SOX6: variants seen among roughly 807,000 people sequenced by gnomAD.
The protein encoded by SOX6 is SRY-box transcription factor 6.
A neutral mutation model predicts 97.8 loss-of-function variants in SOX6; 11 were observed. The observed-to-expected ratio is 0.11, with a 90% CI of 0.07 to 0.19. SOX6 has a LOEUF of 0.19. Among genes scored for constraint, SOX6 ranks in the 10% least tolerant of loss-of-function variants. SOX6 has a pLI of 1.00. For synonymous variants in SOX6, 360 were observed against 371.4 expected, an observed-to-expected ratio of 0.97 and a Z score of 0.35; for missense variants, 810 against 1,039.5, an observed-to-expected ratio of 0.78 and a Z score of 3.04.
chr11:16,711,028 C>T (rs911278920), intron 3 of SOX6, among the ~76,000 whole-genome samples: 4 of 152,136 alleles, frequency 2.6e-5, no homozygotes, highest in African/African-American at 4.8e-5. Context: ...AATCCATCAG[C>T]AAATCCTGTT....
intron 12 of SOX6, among the ~76,000 whole-genome samples, chr11:16,043,598 T>C (rs1449303506): frequency 2.0e-5 from 3 of 152,178 alleles, no homozygotes; most frequent in Non-Finnish European, 4.4e-5. Context: ...CTATAAGTAC[T>C]GTAAAGACAT....
chr11:16,516,254 G>A (rs12364440), intron 4 of SOX6, among the ~76,000 whole-genome samples: 26,000 of 151,434 alleles, frequency 0.17, 2,740 homozygotes, highest in East Asian at 0.32. Flanking sequence ...TCCTTGAAGA[G>A]GTCCTTCACA....
rs763570958 is a variant in SOX6 at position 16,341,117 on chromosome 11, G to C, written c.132C>G (p.His44Gln). 1 of 1,613,540 alleles carries C rather than the reference G, an allele frequency of 6.2e-7. No homozygotes were observed. The highest frequency in any genetic ancestry group is 8.5e-7 in the Non-Finnish European group (1 of 1,179,562). ...AGTGAGGTTTGTTGTGCATTATGGG[G>C]TGCAGAGGCAGATGGGAGGCCACAT... ...DQHVASHLPL[H>Q]PIMHNKPHSE... Residue 44 changes from histidine (H) to glutamine (Q), a missense_variant, in exon 2 of 16, where the codon CAC becomes CAG. Coordinates refer to ENST00000683767, the MANE Select transcript of SOX6 (RefSeq NM_001367873.1).
intron 3 of SOX6, among the ~76,000 whole-genome samples, chr11:16,612,605 T>C (rs771950823): frequency 5.9e-5 from 9 of 151,802 alleles, no homozygotes; most frequent in Non-Finnish European, 1.3e-4. Flanking sequence ...AGTGGGGGGA[T>C]GGCGATGAAG....
chr11:16,199,365 G>A lies in SOX6; in HGVS notation c.536-12410C>T, dbSNP rs992140677. ...TTCTATGTGCTAGGATTAGCATTTC[G>A]CATTTTTTCTCTACTGCAACAAACT... On this transcript the variant is annotated intron_variant, in intron 4 of 15. Coordinates refer to ENST00000683767, the MANE Select transcript of SOX6 (RefSeq NM_001367873.1). 4.6e-5 allele frequency among the ~76,000 whole-genome samples: 7 copies of A among 152,040 alleles called. No homozygotes were observed. In the South Asian group the frequency reaches 1.2e-3, roughly 27 times the overall value.
intron 3 of SOX6, among the ~76,000 whole-genome samples, chr11:16,648,071 G>A (rs150523236): frequency 1.1e-3 from 173 of 152,274 alleles, no homozygotes; most frequent in African/African-American, 4.1e-3. Flanking sequence ...CAGGAGTGTA[G>A]GAGCTGCTGC....
chr11:16,663,549 C>A (rs1229723220), intron 3 of SOX6, among the ~76,000 whole-genome samples: 3 of 152,144 alleles, frequency 2.0e-5, no homozygotes, highest in Non-Finnish European at 4.4e-5. Flanking sequence ...TCTCAAATGC[C>A]TGAGCTAAAG....
At chr11:16,143,987 C>T (rs1239888968) in intron 6 of SOX6, among the ~76,000 whole-genome samples, 1 of 152,206 alleles carries the variant, frequency 6.6e-6, no homozygotes, top group Admixed American at 6.5e-5. Flanking sequence ...GAACTCAGCT[C>T]TGCACCAGGC....
intron 2 of SOX6, among the ~76,000 whole-genome samples, chr11:16,722,469 T>C (rs936202503): frequency 9.9e-5 from 15 of 152,236 alleles, no homozygotes; most frequent in Middle Eastern, 6.8e-3. Context: ...CTGGCCAACA[T>C]GGTGAGATCT....
intron 6 of SOX6, among the ~76,000 whole-genome samples, chr11:16,160,376 A>C (rs1002901355): frequency 1.3e-5 from 2 of 152,154 alleles, no homozygotes; most frequent in Admixed American, 6.6e-5. Context: ...GCTCAGGCAA[A>C]CTACAGGAGC....
chr11:16,338,136 A>G (rs1439259833), intron 2 of SOX6, among the ~76,000 whole-genome samples: 3 of 152,090 alleles, frequency 2.0e-5, no homozygotes, highest in Admixed American at 6.6e-5. Flanking sequence ...AAACTGTATA[A>G]GTGCTGAAAA....
chr11:16,084,453 CAT>C (rs1286603635), intron 9 of SOX6, among the ~76,000 whole-genome samples: 2 of 151,748 alleles, frequency 1.3e-5, no homozygotes, highest in African/African-American at 2.4e-5. Context: ...TATGGACAAA[CAT>C]ATTTATTGAG....
At chr11:16,660,355 A>T (rs982259154) in intron 3 of SOX6, among the ~76,000 whole-genome samples, 2 of 152,060 alleles carry the variant, frequency 1.3e-5, no homozygotes, top group African/African-American at 4.8e-5. Context: ...TCTTTGACCC[A>T]TGTGTTATTT....
At chr11:16,219,815 GA>G (rs1852486153) in intron 4 of SOX6, among the ~76,000 whole-genome samples, 1 of 151,900 alleles carries the variant, frequency 6.6e-6, no homozygotes, top group African/African-American at 2.4e-5. Context: ...CTTTGGTTAA[GA>G]ACAGACTCTA....
intron 4 of SOX6, among the ~76,000 whole-genome samples, chr11:16,527,745 C>A (rs552986191): frequency 6.6e-6 from 1 of 152,168 alleles, no homozygotes; most frequent in African/African-American, 2.4e-5. Flanking sequence ...GCTGCTCCTT[C>A]AATTTGAATC....
intron 3 of SOX6, among the ~76,000 whole-genome samples, chr11:16,255,847 A>C (rs1853664459): frequency 6.6e-6 from 1 of 151,870 alleles, no homozygotes. Flanking sequence ...AAAGGAAAAA[A>C]AAAAAAGAGA....
chr11:16,674,861 G>C (rs1847873623), intron 3 of SOX6, among the ~76,000 whole-genome samples: 1 of 152,216 alleles, frequency 6.6e-6, no homozygotes, highest in South Asian at 2.1e-4. Flanking sequence ...TGAGGCAGGA[G>C]AACTGCTTGA....
chr11:16,177,576 C>A (rs1851228853), intron 6 of SOX6, among the ~76,000 whole-genome samples: 1 of 151,326 alleles, frequency 6.6e-6, no homozygotes, highest in Admixed American at 6.6e-5. Flanking sequence ...TATTTAAATT[C>A]CAGCTGACTG....
At chr11:16,349,770 G>T (rs1025559123) in intron 1 of SOX6, among the ~76,000 whole-genome samples, 1 of 141,574 alleles carries the variant, frequency 7.1e-6, no homozygotes, top group African/African-American at 2.6e-5. Context: ...GGAAGGAAGG[G>T]AAAGCAAGCA....
Sources: gnomAD v4.1 joint callset for allele counts (sites outside exome capture counted in the v4.1 genomes callset) on GRCh38, gnomAD v4.1.1 for gene constraint, MANE v1.5 for transcripts, NCBI Gene and HGNC (gene_info 2026-07-23, HGNC 2026-07-21) for gene names.